The following TLN2 variants were observed in gnomAD, a reference collection of about 807,000 sequenced individuals.
TLN2 encodes talin-2.
In TLN2, 118 loss-of-function variants were observed where a neutral mutation model predicts 294.7. That is an observed-to-expected ratio of 0.40 (90% CI 0.34 to 0.47). The LOEUF is 0.47. Among genes scored for constraint, TLN2 ranks in the 20% least tolerant of loss-of-function variants. The pLI is 0.84. For synonymous variants in TLN2, 1,431 were observed against 1,304.5 expected (o/e 1.10, Z -2.09); for missense variants, 3,083 against 3,282.2 (o/e 0.94, Z 1.48).
intron 45 of TLN2, chr15:62,784,112 A>T: frequency 1.5e-6 from 1 of 671,914 alleles, no homozygotes; most frequent in Non-Finnish European, 2.4e-6. Context: ...GAACTGGGGC[A>T]TGGGCTTTCA....
At chr15:62,757,296 C>G (rs1242250970) in intron 37 of TLN2, among the ~76,000 whole-genome samples, 3 of 152,146 alleles carry the variant, frequency 2.0e-5, no homozygotes, top group African/African-American at 7.2e-5. Flanking sequence ...AGTCATCTCT[C>G]CAGCCTGGGA....
chr15:62,564,100 G>C lies in TLN2; in HGVS notation c.-237-25587G>C, dbSNP rs981597294. Among the ~76,000 whole-genome samples, 13 of 152,178 alleles carry C rather than the reference G, an allele frequency of 8.5e-5. 1 individual carries two copies. Among genetic ancestry groups the C allele is most frequent in the Non-Finnish European group, 1.6e-4 (11 of 68,038 alleles). The stretch of plus-strand genomic sequence containing the variant: ...CTGGTGGTGTTTTGAGTTTTAGAAT[G>C]ATTGCACATGTCCTAATATAGTCAA... On this transcript the variant is annotated intron_variant, in intron 1 of 58. Transcript: ENST00000636159.
chr15:62,833,495 T>C lies in TLN2; in HGVS notation c.7003-9T>C. ...AATTGAATGTGATGCTGTTTTCTTT[T>C]GGTTATAGCAAGCGGATGAGACCCT... On this transcript the variant is annotated splice_polypyrimidine_tract_variant and intron_variant, in intron 54 of 58. Coordinates refer to ENST00000636159, the MANE Select transcript of TLN2 (RefSeq NM_015059.3). The C allele has an allele frequency of 6.2e-7, 1 of 1,612,688 alleles. No individual in the cohort carries two copies. Among genetic ancestry groups the C allele is most frequent in the Non-Finnish European group, 8.5e-7 (1 of 1,179,212 alleles).
At chr15:62,640,885 A>T (rs980169083) in intron 3 of TLN2, among the ~76,000 whole-genome samples, 12 of 151,986 alleles carry the variant, frequency 7.9e-5, no homozygotes, top group African/African-American at 2.4e-4. Context: ...CACTGCAACC[A>T]CTACCTCCCG....
intron 1 of TLN2, among the ~76,000 whole-genome samples, chr15:62,457,017 T>C (rs1178233243): frequency 6.6e-6 from 1 of 152,196 alleles, no homozygotes; most frequent in Non-Finnish European, 1.5e-5. Context: ...ACACACTGTT[T>C]AGTTTGCCTG....
At chr15:62,496,062 T>C (rs562196396) in intron 1 of TLN2, among the ~76,000 whole-genome samples, 1 of 152,236 alleles carries the variant, frequency 6.6e-6, no homozygotes, top group Non-Finnish European at 1.5e-5. Context: ...TGGAAGGCAA[T>C]TGTAGTGGAT....
At chr15:62,633,352 G>A (rs1379398862) in intron 3 of TLN2, among the ~76,000 whole-genome samples, 6 of 152,166 alleles carry the variant, frequency 3.9e-5, no homozygotes, top group East Asian at 3.8e-4. Flanking sequence ...GCTGCAGTAC[G>A]GTGATGTGAT....
At chr15:62,421,639 A>T (rs1208271211) in intron 1 of TLN2, among the ~76,000 whole-genome samples, 1 of 151,594 alleles carries the variant, frequency 6.6e-6, no homozygotes, top group East Asian at 1.9e-4. Flanking sequence ...ACATATGGAC[A>T]TATAGAGGGG....
chr15:62,788,641 T>C (rs1016106951), intron 45 of TLN2, among the ~76,000 whole-genome samples: 2 of 152,210 alleles, frequency 1.3e-5, no homozygotes, highest in Admixed American at 1.3e-4. Flanking sequence ...GTCGCTAGTA[T>C]GCGAGCCACT....
At chr15:62,698,666 C>A in intron 15 of TLN2, 88 bp from the exon 16 acceptor site, 1 of 1,065,410 alleles carries the variant, frequency 9.4e-7, no homozygotes, top group Non-Finnish European at 1.4e-6. Flanking sequence ...GTCTTGAGTG[C>A]AGAGTTCTGT....
intron 15 of TLN2, among the ~76,000 whole-genome samples, chr15:62,698,227 T>A (rs1444684657): frequency 6.6e-6 from 1 of 152,192 alleles, no homozygotes; most frequent in African/African-American, 2.4e-5. Context: ...AGTCATTGAT[T>A]CCTTTCCACT....
intron 1 of TLN2, among the ~76,000 whole-genome samples, chr15:62,400,729 AT>A (rs200659926): frequency 9.9e-5 from 15 of 151,428 alleles, no homozygotes; most frequent in African/African-American, 3.4e-4. Context: ...TCATTCATGC[AT>A]TTTTTTGGAG....
intron 16 of TLN2, among the ~76,000 whole-genome samples, chr15:62,699,684 C>G (rs2058591929): frequency 1.3e-5 from 2 of 152,210 alleles, no homozygotes; most frequent in South Asian, 4.1e-4. Context: ...CAAACAGAAT[C>G]TGCATTTTAG....
At chr15:62,653,942 T>A (rs1426672558) in intron 7 of TLN2, among the ~76,000 whole-genome samples, 1 of 152,192 alleles carries the variant, frequency 6.6e-6, no homozygotes, top group Admixed American at 6.5e-5. Flanking sequence ...CATCTCTTTT[T>A]TTGACTAATA....
In TLN2 at chr15:62,390,589, G is replaced by C. The variant is rs1031316995; in HGVS notation, c.-334G>C. 6 of 152,284 alleles carry C rather than the reference G, an allele frequency of 3.9e-5. No individual in the cohort carries two copies. The highest frequency in any genetic ancestry group is 1.4e-4 in the African/African-American group (6 of 41,428). 9.4% of individuals were successfully genotyped at this position (152,284 alleles called of 1,614,324 possible). ...GCCAGCGGCGGCGGCAGCGGCTGAG[G>C]CGGCTGCGGGAGCGGAGTGGTCGCC... On this transcript the variant is annotated 5_prime_UTR_variant, in exon 1 of 59. Coordinates refer to ENST00000636159, the MANE Select transcript of TLN2 (RefSeq NM_015059.3).
intron 58 of TLN2, among the ~76,000 whole-genome samples, chr15:62,839,870 A>C (rs2070400620): frequency 6.6e-6 from 1 of 152,232 alleles, no homozygotes; most frequent in Non-Finnish European, 1.5e-5. Context: ...CCTGGTAATA[A>C]TGATAGTCGG....
chr15:62,579,544 G>T (rs995220493), intron 1 of TLN2, among the ~76,000 whole-genome samples: 1 of 152,310 alleles, frequency 6.6e-6, no homozygotes, highest in East Asian at 1.9e-4. Context: ...CACTTTGATT[G>T]TTTCTTCCTG....
intron 1 of TLN2, among the ~76,000 whole-genome samples, chr15:62,513,726 A>G (rs1370678539): frequency 1.3e-5 from 2 of 152,234 alleles, no homozygotes; most frequent in Admixed American, 6.5e-5. Context: ...AGTAAATGCC[A>G]GATCCTTCTC....
At chr15:62,461,512 G>T (rs899710880) in intron 1 of TLN2, among the ~76,000 whole-genome samples, 2 of 152,228 alleles carry the variant, frequency 1.3e-5, no homozygotes, top group Non-Finnish European at 2.9e-5. Context: ...ACACGGATGG[G>T]TTTATACCTA....
Sources: allele counts gnomAD v4.1 joint callset (sites outside exome capture counted in the v4.1 genomes callset), GRCh38; gene constraint gnomAD v4.1.1; transcripts MANE v1.5; gene names NCBI Gene and HGNC (gene_info 2026-07-23, HGNC 2026-07-21).